The following PRKX variants were observed in gnomAD, a reference collection of about 807,000 sequenced individuals.
The protein encoded by PRKX is cAMP-dependent protein kinase catalytic subunit PRKX.
A neutral mutation model predicts 22.0 loss-of-function variants in PRKX; 12 were observed. That is an observed-to-expected ratio of 0.54 (90% CI 0.35 to 0.88). PRKX has a LOEUF of 0.88. Among genes scored for constraint, PRKX ranks in the 40% least tolerant of loss-of-function variants. The pLI is 0.01. For synonymous variants in PRKX, 134 were observed against 137.7 expected, an observed-to-expected ratio of 0.97 and a Z score of 0.19; for missense variants, 217 against 308.0, an observed-to-expected ratio of 0.70 and a Z score of 2.21.
intron 7 of PRKX, among the ~76,000 whole-genome samples, chrX:3,614,264 A>G (rs1191554602): frequency 8.9e-6 from 1 of 111,966 alleles, no homozygotes; most frequent in Non-Finnish European, 1.9e-5. Flanking sequence ...TCTTTGGGAG[A>G]CTGAGGCTGG....
In PRKX at chrX:3,621,335, C is replaced by CAA. The variant is rs369523977; in HGVS notation, c.816-21_816-20dup. 2.1e-4 allele frequency: 199 copies of CAA among 955,352 alleles called. No homozygotes were observed. The highest frequency in any genetic ancestry group is 2.9e-4 in the Admixed American group (10 of 34,951). The allele number at this position is 955,352 out of a possible 1,213,427, so 78.7% of individuals were successfully genotyped here. ...GAGGTCTCTATGTTGGGGAAGGAGACAAAAAAAAAAAAAGTACACAGATTA... is the reference window on the plus strand; with the variant it reads ...GAGGTCTCTATGTTGGGGAAGGAGACAAAAAAAAAAAAAAAGTACACAGATTA... On this transcript the variant is annotated intron_variant, in intron 5 of 8. Coordinates refer to ENST00000262848, the MANE Select transcript of PRKX (RefSeq NM_005044.5).
At position 3,605,867 on chromosome X, in the gene PRKX, C is replaced by T. The variant is rs1926159431; in HGVS notation, c.*3102G>A. On this transcript the variant is annotated 3_prime_UTR_variant, in exon 9 of 9. Coordinates refer to ENST00000262848, the MANE Select transcript of PRKX (RefSeq NM_005044.5). ...TCTGCTTCTTATTCTATCATGCTGA[C>T]AGCAAATATAATTTGCCCATCGCTG... is the stretch of plus-strand genomic sequence containing the variant. 8.9e-6 allele frequency: 1 copy of T among 112,170 alleles called. No homozygotes were observed. Among genetic ancestry groups the T allele is most frequent in the Non-Finnish European group, 1.9e-5 (1 of 53,278 alleles). 9.2% of individuals were successfully genotyped at this position (112,170 alleles called of 1,213,427 possible). A position where few individuals can be genotyped will look rare whatever the true frequency, so the allele number is the denominator to read the frequency against.
chrX:3,607,168 T>C lies in PRKX; in HGVS notation c.*1801A>G, dbSNP rs1926192708. 1.8e-5 allele frequency: 2 copies of C among 112,329 alleles called. No individual in the cohort carries two copies. Among genetic ancestry groups the C allele is most frequent in the Admixed American group, 9.5e-5 (1 of 10,527 alleles). 9.3% of individuals were successfully genotyped at this position (112,329 alleles called of 1,213,427 possible). A position where few individuals can be genotyped will look rare whatever the true frequency, so the allele number is the denominator to read the frequency against. On this transcript the variant is annotated 3_prime_UTR_variant, in exon 9 of 9. Transcript: ENST00000262848. ...AAAGTAGAATGTTCAATATTATTAC[T>C]ATGATTTATTTTTATAGTCAGCAAA...
intron 1 of PRKX, among the ~76,000 whole-genome samples, chrX:3,695,913 C>T (rs1667260765): frequency 9.0e-6 from 1 of 111,547 alleles, no homozygotes; most frequent in Admixed American, 9.6e-5. Flanking sequence ...GTGCCACCAC[C>T]CCGCTGTCTT....
chrX:3,689,777 A>G (rs931018329), intron 1 of PRKX, among the ~76,000 whole-genome samples: 8 of 111,919 alleles, frequency 7.1e-5, no homozygotes, highest in African/African-American at 1.9e-4. Flanking sequence ...GGAGATCGAG[A>G]CCATCCTGGC....
intron 2 of PRKX, among the ~76,000 whole-genome samples, chrX:3,660,319 C>T (rs1603474225): frequency 8.9e-6 from 1 of 112,062 alleles, no homozygotes; most frequent in Non-Finnish European, 1.9e-5. Flanking sequence ...AGGTGTGATA[C>T]TGAACATTTG....
In PRKX at chrX:3,605,401, G is replaced by C. The variant is rs763212575; in HGVS notation, c.*3568C>G. 3.6e-5 allele frequency: 4 copies of C among 112,397 alleles called. No individual in the cohort carries two copies. The highest frequency in any genetic ancestry group is 1.3e-4 in the African/African-American group (4 of 30,951). 9.3% of individuals were successfully genotyped at this position (112,397 alleles called of 1,213,427 possible). ...TTGCACCCTGTTCACTCAGTAGCTG[G>C]AGCAATGAATGATTGTGACATTCTG... On this transcript the variant is annotated 3_prime_UTR_variant, in exon 9 of 9. Transcript: ENST00000262848.
chrX:3,631,104 G>A (rs764659592), intron 4 of PRKX, among the ~76,000 whole-genome samples: 3 of 112,132 alleles, frequency 2.7e-5, no homozygotes, highest in Admixed American at 9.5e-5. Flanking sequence ...CACCCTCATT[G>A]ATTATCAGAA....
chrX:3,689,703 C>A (rs35458025), intron 1 of PRKX, among the ~76,000 whole-genome samples: 1 of 110,646 alleles, frequency 9.0e-6, no homozygotes, highest in African/African-American at 3.3e-5. Context: ...ATGGGCTGGG[C>A]GCGGTGGCTC....
chrX:3,638,806 G>A (rs1269219689), intron 4 of PRKX, among the ~76,000 whole-genome samples: 1 of 108,616 alleles, frequency 9.2e-6, no homozygotes, highest in Non-Finnish European at 1.9e-5. Flanking sequence ...ATTGATAGAT[G>A]GATAGGTAGG....
chrX:3,649,591 G>C (rs1350090024), intron 3 of PRKX, among the ~76,000 whole-genome samples: 1 of 9,690 alleles, frequency 1.0e-4, no homozygotes, highest in African/African-American at 3.8e-4. Context: ...AGGGTTGCTA[G>C]GGGAGGGGAG....
rs1928828604 is a variant in PRKX at position 3,713,140 on chromosome X, C to T, written c.114G>A (p.Ser38=). The change falls in exon 1 of 9, where the codon TCG becomes TCA. Residue 38 remains serine, a synonymous_variant. Coordinates refer to ENST00000262848, the MANE Select transcript of PRKX (RefSeq NM_005044.5). ...GCAGGCTGTACACAGGCGGCTCCGG[C>T]GACAGCGCCTCAGGGCTGGGGCAGA... ...PALCPSPEAL[S]PEPPVYSLQD... 1 of 1,154,767 alleles carries T rather than the reference C, an allele frequency of 8.7e-7. No homozygotes were observed. Among genetic ancestry groups the T allele is most frequent in the African/African-American group, 1.8e-5 (1 of 54,380 alleles).
At chrX:3,686,683 G>A (rs193138153) in intron 1 of PRKX, among the ~76,000 whole-genome samples, 397 of 109,574 alleles carry the variant, frequency 3.6e-3, no homozygotes, top group African/African-American at 0.013. Flanking sequence ...TCAGCCTCCA[G>A]AGTAGCTGGG....
At chrX:3,613,900 T>C (rs182015481) in intron 7 of PRKX, among the ~76,000 whole-genome samples, 945 of 94,100 alleles carry the variant, frequency 0.01, 7 homozygotes, top group African/African-American at 0.035. Flanking sequence ...CATCCCAGGC[T>C]CCAGCCCCAG....
intron 6 of PRKX, among the ~76,000 whole-genome samples, chrX:3,617,114 G>A (rs1460923384): frequency 3.9e-5 from 4 of 103,011 alleles, no homozygotes; most frequent in Admixed American, 1.1e-4. Flanking sequence ...ACATATACAC[G>A]TTAATATATA....
intron 1 of PRKX, among the ~76,000 whole-genome samples, chrX:3,686,858 A>T (rs1344196988): frequency 9.0e-6 from 1 of 111,489 alleles, no homozygotes; most frequent in East Asian, 2.8e-4. Flanking sequence ...CGCAGACCAA[A>T]TCTATTTTTT....
rs1926311225 is a variant in PRKX, at chrX:3,612,233, C to A, written c.1044G>T (p.Pro348=). The A allele has an allele frequency of 2.5e-6, 3 of 1,206,611 alleles. No individual in the cohort carries two copies. Among genetic ancestry groups the A allele is most frequent in the Non-Finnish European group, 3.4e-6 (3 of 893,950 alleles). The part of the protein sequence containing the change: ...ENDWDTAAPV[P]QKDLEIFKNF ...TCTTGAAGATTTCTAAATCCTTCTGCGGCACGGGCGCGGCTGTGTCCCAGT... is the reference window on the plus strand; with the variant it reads ...TCTTGAAGATTTCTAAATCCTTCTGAGGCACGGGCGCGGCTGTGTCCCAGT... The change falls in exon 8 of 9, where the codon CCG becomes CCT. Residue 348 remains proline (P), a synonymous_variant. Coordinates refer to ENST00000262848, the MANE Select transcript of PRKX (RefSeq NM_005044.5).
intron 1 of PRKX, among the ~76,000 whole-genome samples, chrX:3,679,895 C>T (rs111668003): frequency 0.026 from 2,886 of 111,517 alleles, 100 homozygotes; most frequent in African/African-American, 0.089. Context: ...AAGTGCCAGA[C>T]GAGGAAGGTG....
chrX:3,659,730 T>G (rs1335345278), intron 2 of PRKX, among the ~76,000 whole-genome samples: 1 of 6,557 alleles, frequency 1.5e-4, no homozygotes, highest in East Asian at 1.7e-3. Flanking sequence ...TTTTTTTTTG[T>G]TTTTTTTTTT....
Sources: gnomAD v4.1 joint callset for allele counts (sites outside exome capture counted in the v4.1 genomes callset) on GRCh38, gnomAD v4.1.1 for gene constraint, MANE v1.5 for transcripts, NCBI Gene and HGNC (gene_info 2026-07-23, HGNC 2026-07-21) for gene names.